The following GAS7 variants were observed in gnomAD, a reference collection of about 807,000 sequenced individuals.
GAS7 encodes growth arrest-specific protein 7.
In GAS7, 28 loss-of-function variants were observed where a neutral mutation model predicts 71.1. That is an observed-to-expected ratio of 0.39 (90% CI 0.29 to 0.54). GAS7 has a LOEUF of 0.54. Among genes scored for constraint, GAS7 ranks in the 20% least tolerant of loss-of-function variants. The pLI is 0.62. For synonymous variants in GAS7, 258 were observed against 245.8 expected, an observed-to-expected ratio of 1.05 and a Z score of -0.46; for missense variants, 436 against 627.8, an observed-to-expected ratio of 0.69 and a Z score of 3.27.
chr17:10,117,277 A>G (rs1358423548), intron 1 of GAS7, among the ~76,000 whole-genome samples: 1 of 151,988 alleles, frequency 6.6e-6, no homozygotes, highest in East Asian at 1.9e-4. Flanking sequence ...TCCCTCTCAT[A>G]AGGACCCTTG....
chr17:9,935,881 C>G (rs764019787), intron 8 of GAS7, among the ~76,000 whole-genome samples: 3 of 152,194 alleles, frequency 2.0e-5, no homozygotes, highest in Admixed American at 6.5e-5. Context: ...CACTCCACCC[C>G]CTCTGGGTGG....
At chr17:9,989,820 C>T (rs2070774041) in intron 2 of GAS7, among the ~76,000 whole-genome samples, 1 of 152,216 alleles carries the variant, frequency 6.6e-6, no homozygotes, top group South Asian at 2.1e-4. Context: ...AAACATCAAA[C>T]ATTCATTATT....
At chr17:9,998,062 T>C (rs2071117766) in intron 2 of GAS7, among the ~76,000 whole-genome samples, 1 of 152,204 alleles carries the variant, frequency 6.6e-6, no homozygotes. Flanking sequence ...TCAGCCTCTT[T>C]CCTCTCCCCA....
intron 1 of GAS7, among the ~76,000 whole-genome samples, chr17:10,153,226 G>T (rs1024078110): frequency 1.6e-4 from 4 of 25,724 alleles, no homozygotes; most frequent in African/African-American, 8.1e-4. Flanking sequence ...AAAACACTGG[G>T]CGTGGTGGCT....
intron 11 of GAS7, among the ~76,000 whole-genome samples, chr17:9,923,916 A>C (rs2067907627): frequency 6.6e-6 from 1 of 152,256 alleles, no homozygotes. Flanking sequence ...GGGTACAATC[A>C]TACAACTGGA....
At chr17:9,950,050 G>A (rs1328492590) in intron 5 of GAS7, among the ~76,000 whole-genome samples, 1 of 151,970 alleles carries the variant, frequency 6.6e-6, no homozygotes, top group African/African-American at 2.4e-5. Flanking sequence ...TTTTAGCAGA[G>A]ACAGGATTTC....
intron 8 of GAS7, among the ~76,000 whole-genome samples, chr17:9,938,843 G>A (rs2152088734): frequency 6.6e-6 from 1 of 152,218 alleles, no homozygotes; most frequent in African/African-American, 2.4e-5. Flanking sequence ...TGCCTGTTCT[G>A]GGCATTTTAC....
chr17:9,925,302 G>A (rs1266825542), intron 11 of GAS7, among the ~76,000 whole-genome samples, 174 bp downstream of exon 11: 1 of 152,150 alleles, frequency 6.6e-6, no homozygotes, highest in African/African-American at 2.4e-5. Context: ...GAGATCTCTG[G>A]GTGTGGGTCA....
chr17:9,951,963 C>T (rs1427229278), intron 5 of GAS7, among the ~76,000 whole-genome samples: 2 of 152,062 alleles, frequency 1.3e-5, no homozygotes, highest in East Asian at 1.9e-4. Flanking sequence ...GACTGCTAGC[C>T]GGAAGAGGAG....
chr17:9,953,065 T>C (rs2069085108), intron 5 of GAS7, among the ~76,000 whole-genome samples: 1 of 151,856 alleles, frequency 6.6e-6, no homozygotes, highest in African/African-American at 2.4e-5. Flanking sequence ...TGCAGCACTA[T>C]TCACAATAGC....
At chr17:10,092,657 C>A (rs1035532720) in intron 1 of GAS7, among the ~76,000 whole-genome samples, 1 of 152,194 alleles carries the variant, frequency 6.6e-6, no homozygotes, top group Admixed American at 6.5e-5. Context: ...CACATGTTTT[C>A]TCTTACAATA....
At chr17:10,084,820 C>T (rs548825160) in intron 1 of GAS7, among the ~76,000 whole-genome samples, 1 of 152,164 alleles carries the variant, frequency 6.6e-6, no homozygotes, top group Admixed American at 6.5e-5. Flanking sequence ...ATTCTCTCTC[C>T]CCTGCTGGGC....
In GAS7 at chr17:10,034,258, C is replaced by G. The variant is rs182305971; in HGVS notation, c.184-14361G>C. ...CATCTCTAAAACACGGAAGTTGGAC[C>G]AGATGGTCTCCAAGGGCTTTCATAT... On this transcript the variant is annotated intron_variant, in intron 1 of 13. Coordinates refer to ENST00000432992, the MANE Select transcript of GAS7 (RefSeq NM_201433.2). The surrounding 1 kb of genome is among the most constrained non-coding windows in gnomAD (Gnocchi z 4.4). The G allele has an allele frequency of 2.2e-4, 211 of 981,014 alleles. 1 individual carries two copies. The African/African-American group carries it at 3.6e-3, about 17-fold the overall frequency. 60.8% of individuals were successfully genotyped at this position (981,014 alleles called of 1,614,324 possible). A position where few individuals can be genotyped will look rare whatever the true frequency, so the allele number is the denominator to read the frequency against.
chr17:10,028,987 G>T (rs2072541347), intron 1 of GAS7, among the ~76,000 whole-genome samples: 2 of 152,192 alleles, frequency 1.3e-5, no homozygotes, highest in African/African-American at 4.8e-5. Context: ...ATAAACAAAG[G>T]TTGATGGGGA....
intron 1 of GAS7, among the ~76,000 whole-genome samples, chr17:10,186,050 G>T (rs2074449961): frequency 6.8e-6 from 1 of 147,234 alleles, no homozygotes; most frequent in South Asian, 2.1e-4. Context: ...CCGCCTCCTG[G>T]TTCACGCCAT....
At chr17:10,130,329 T>TA (rs35108339) in intron 1 of GAS7, among the ~76,000 whole-genome samples, 1,441 of 127,398 alleles carry the variant, frequency 0.011, 16 homozygotes, top group South Asian at 0.036. Context: ...AGCTATGATT[T>TA]AAAAAAAAAA....
chr17:10,058,584 C>T (rs1352112050), intron 1 of GAS7, among the ~76,000 whole-genome samples: 1 of 152,236 alleles, frequency 6.6e-6, no homozygotes, highest in Non-Finnish European at 1.5e-5. Flanking sequence ...ACTCCATCTT[C>T]GGACAACTCC....
At chr17:9,995,397 C>T (rs1270226760) in intron 2 of GAS7, among the ~76,000 whole-genome samples, 2 of 151,896 alleles carry the variant, frequency 1.3e-5, no homozygotes, top group Non-Finnish European at 2.9e-5. Flanking sequence ...GAGGGAAAGA[C>T]CAAGAAGGGG....
At chr17:10,139,771 A>C (rs574026931) in intron 1 of GAS7, among the ~76,000 whole-genome samples, 2 of 152,364 alleles carry the variant, frequency 1.3e-5, no homozygotes, top group East Asian at 1.9e-4. Flanking sequence ...GAAAGGGAAG[A>C]AGCAGAGATT....
Sources: gnomAD v4.1 joint callset for allele counts (sites outside exome capture counted in the v4.1 genomes callset) on GRCh38, gnomAD v4.1.1 for gene constraint, Gnocchi (gnomAD v3.1) non-coding constraint, MANE v1.5 for transcripts, NCBI Gene and HGNC (gene_info 2026-07-23, HGNC 2026-07-21) for gene names.